DDI2: variants seen among roughly 807,000 people sequenced by gnomAD.
The protein encoded by DDI2 is DDI proteasomal shuttling factor 2.
A neutral mutation model predicts 48.1 loss-of-function variants in DDI2; 5 were observed. The ratio of observed to expected loss-of-function variants is 0.10; its 90% CI spans 0.05 to 0.22. DDI2 has a LOEUF of 0.22. Ranked by LOEUF, DDI2 falls within the 10% of genes least tolerant of loss-of-function variation. The pLI is 1.00. For missense variants in DDI2, 285 were observed against 506.2 expected, an observed-to-expected ratio of 0.56 and a Z score of 4.19; for synonymous variants, 205 against 183.6, an observed-to-expected ratio of 1.12 and a Z score of -0.94.
chr1:15,623,679 G>A (rs1639706751), intron 1 of DDI2, among the ~76,000 whole-genome samples: 1 of 151,862 alleles, frequency 6.6e-6, no homozygotes, highest in South Asian at 2.1e-4. Context: ...TTGGAATTAA[G>A]GCGTGAGCCA....
Position 15,638,440 on chromosome 1 carries a change from G to A in DDI2, c.760+6G>A, listed in dbSNP as rs756307327. ...GAAAGCCTTTGTTGACTCAGGTGAC[G>A]TCTCTGTCTTTTATTTCTTGGTCTC... On this transcript the variant is annotated splice_donor_region_variant and intron_variant, in intron 5 of 9. Coordinates refer to ENST00000480945, the MANE Select transcript of DDI2 (RefSeq NM_032341.5). 5 of 1,611,460 alleles carry A rather than the reference G, an allele frequency of 3.1e-6. No individual in the cohort carries two copies. The highest frequency in any genetic ancestry group is 3.4e-6 in the Non-Finnish European group (4 of 1,178,704).
chr1:15,655,657 G>A (rs1176966808), intron 8 of DDI2, among the ~76,000 whole-genome samples: 3 of 151,790 alleles, frequency 2.0e-5, no homozygotes, highest in Non-Finnish European at 4.4e-5. Context: ...GGAGGCTGAG[G>A]CAGGAGAATT....
intron 1 of DDI2, among the ~76,000 whole-genome samples, chr1:15,626,334 T>G (rs983826544): frequency 6.6e-6 from 1 of 152,172 alleles, no homozygotes; most frequent in East Asian, 1.9e-4. Flanking sequence ...TAAAGAGTAA[T>G]GTTTGATCAG....
intron 5 of DDI2, among the ~76,000 whole-genome samples, chr1:15,640,122 C>G (rs954086272): frequency 2.0e-5 from 3 of 152,016 alleles, no homozygotes; most frequent in Non-Finnish European, 4.4e-5. Context: ...TGGGTAGGGC[C>G]TTGTGCTGAG....
rs1254791607 is a variant in DDI2 at position 15,649,842 on chromosome 1, TA to T, written c.993+20del. 1 of 1,598,204 alleles carries T rather than the reference TA, an allele frequency of 6.3e-7. No individual in the cohort carries two copies. The highest frequency in any genetic ancestry group is 2.2e-5 in the East Asian group (1 of 44,538). ...GCACCAGGTAATTAAGAGCTTCACT[TA>T]TTTTTTTTGCATCTGCTTTTTGTAA... On this transcript the variant is annotated intron_variant, in intron 7 of 9. Coordinates refer to ENST00000480945, the MANE Select transcript of DDI2 (RefSeq NM_032341.5).
In DDI2 at chr1:15,660,671, A is replaced by C; in HGVS notation, c.*881A>C. 3.7e-6 allele frequency: 6 copies of C among 1,614,240 alleles called. No homozygotes were observed. The highest frequency in any genetic ancestry group is 5.1e-6 in the Non-Finnish European group (6 of 1,180,054). On this transcript the variant is annotated 3_prime_UTR_variant, in exon 10 of 10. Transcript: ENST00000480945. ...ACTTTGCTTAATTCAACAGGCAGGC[A>C]GAATGCCAATGTCAAGAACATTGGT... is the stretch of plus-strand genomic sequence containing the variant.
intron 1 of DDI2, among the ~76,000 whole-genome samples, chr1:15,620,168 A>G (rs912783432): frequency 6.6e-6 from 1 of 152,172 alleles, no homozygotes; most frequent in African/African-American, 2.4e-5. Flanking sequence ...CTTGGGCTCC[A>G]ACTGGTGTTA....
At chr1:15,620,427 TC>T (rs995194118) in intron 1 of DDI2, among the ~76,000 whole-genome samples, 4 of 151,764 alleles carry the variant, frequency 2.6e-5, no homozygotes, top group Admixed American at 6.6e-5. Context: ...TACTTGAGTG[TC>T]CCCCCCCATT....
intron 1 of DDI2, among the ~76,000 whole-genome samples, chr1:15,620,249 C>T (rs1209046534): frequency 1.3e-5 from 2 of 152,106 alleles, no homozygotes; most frequent in East Asian, 3.9e-4. Flanking sequence ...TGTAACCTGA[C>T]AACACAGTAT....
rs1320077648 is a variant in DDI2 at position 15,665,685 on chromosome 1, C to G, written c.*5895C>G. On this transcript the variant is annotated 3_prime_UTR_variant, in exon 10 of 10. Transcript: ENST00000480945. ...AGCAATTTTTATATCTACAGACGTA[C>G]TCTTCACTTATGGTGGCTTTTATCC... The G allele has an allele frequency of 6.6e-6, 1 of 152,158 alleles. No individual in the cohort carries two copies. Among genetic ancestry groups the G allele is most frequent in the Non-Finnish European group, 1.5e-5 (1 of 68,046 alleles). The allele number at this position is 152,158 out of a possible 1,614,324, so 9.4% of individuals were successfully genotyped here.
chr1:15,642,281 G>C (rs757683298), intron 5 of DDI2, among the ~76,000 whole-genome samples: 7 of 152,188 alleles, frequency 4.6e-5, no homozygotes, highest in Non-Finnish European at 8.8e-5. Flanking sequence ...AACCCGCCGT[G>C]TACATGTTTC....
In DDI2 at chr1:15,617,810, T is replaced by TA. The variant is rs750692388; in HGVS notation, c.138+3dup. On this transcript the variant is annotated splice_region_variant and intron_variant, in intron 1 of 9. Transcript: ENST00000480945. ...GGCATCCCCGCAGCCGAGAGCCAGGTACGCCGGGCAGCGAGCCGGGCCTGC... is the reference window on the plus strand; with the variant it reads ...GGCATCCCCGCAGCCGAGAGCCAGGTAACGCCGGGCAGCGAGCCGGGCCTGC... 3 of 1,593,506 alleles carry TA rather than the reference T, an allele frequency of 1.9e-6. No homozygotes were observed. Among genetic ancestry groups the TA allele is most frequent in the East Asian group, 2.3e-5 (1 of 44,418 alleles).
intron 4 of DDI2, among the ~76,000 whole-genome samples, chr1:15,635,175 G>A (rs1377575073): frequency 6.6e-6 from 1 of 151,358 alleles, no homozygotes; most frequent in African/African-American, 2.4e-5. Flanking sequence ...GCTGCAGTAA[G>A]CTATGATTGT....
chr1:15,656,367 G>A lies in DDI2; in HGVS notation c.1184-250G>A, dbSNP rs571713866. 1.6e-5 allele frequency: 22 copies of A among 1,350,106 alleles called. No individual in the cohort carries two copies. The African/African-American group carries it at 3.1e-4, about 19-fold the overall frequency. The allele number at this position is 1,350,106 out of a possible 1,614,324, so 83.6% of individuals were successfully genotyped here. On this transcript the variant is annotated intron_variant, in intron 8 of 9. Transcript: ENST00000480945. ...TTTGCCCGTGAATTCTCTATGTGTAGAAACAAAATTAATTTCTTTACAAGA... is the reference window on the plus strand; with the variant it reads ...TTTGCCCGTGAATTCTCTATGTGTAAAAACAAAATTAATTTCTTTACAAGA...
rs72647120 is a variant in DDI2 at position 15,630,274 on chromosome 1, G to T, written c.269-51G>T. 430,733 of 1,568,532 alleles carry T rather than the reference G, an allele frequency of 0.27. 62,172 individuals carry two copies. Among genetic ancestry groups the T allele is most frequent in the African/African-American group, 0.43 (31,762 of 73,888 alleles). On this transcript the variant is annotated intron_variant, in intron 2 of 9. Coordinates refer to ENST00000480945, the MANE Select transcript of DDI2 (RefSeq NM_032341.5). The stretch of plus-strand genomic sequence containing the variant: ...AAGTGTTCTGCTGTTTCCTTCAAGT[G>T]CTTGTTTTTGTAGAGTAATTTGAGT...
At chr1:15,653,609 A>G (rs987179760) in intron 8 of DDI2, among the ~76,000 whole-genome samples, 3 of 152,036 alleles carry the variant, frequency 2.0e-5, no homozygotes, top group Admixed American at 6.6e-5. Context: ...TGATCCTCCC[A>G]TCTCCCCTTC....
chr1:15,635,524 G>C (rs930358436), intron 4 of DDI2, among the ~76,000 whole-genome samples: 2 of 152,134 alleles, frequency 1.3e-5, no homozygotes, highest in African/African-American at 2.4e-5. Context: ...TCCTGCCTCA[G>C]CCTTCTGAGT....
chr1:15,663,963 A>G lies in DDI2; in HGVS notation c.*4173A>G, dbSNP rs1181852259. 1 of 152,170 alleles carries G rather than the reference A, an allele frequency of 6.6e-6. No homozygotes were observed. The highest frequency in any genetic ancestry group is 2.4e-5 in the African/African-American group (1 of 41,432). The allele number at this position is 152,170 out of a possible 1,614,324, so 9.4% of individuals were successfully genotyped here. A position where few individuals can be genotyped will look rare whatever the true frequency, so the allele number is the denominator to read the frequency against. On this transcript the variant is annotated 3_prime_UTR_variant, in exon 10 of 10. Transcript: ENST00000480945. ...ATTTCATTAGGATAGCTTTTTGTGT[A>G]TGTATATGTATATTTATTTTTAGGA...
intron 3 of DDI2, 30 bp from the exon 4 acceptor site, chr1:15,633,409 A>G (rs771993539): frequency 6.2e-7 from 1 of 1,607,450 alleles, no homozygotes; most frequent in Non-Finnish European, 8.5e-7. Context: ...ATATAGTGAT[A>G]TTTAAGATTT....
Sources: allele counts gnomAD v4.1 joint callset (sites outside exome capture counted in the v4.1 genomes callset), GRCh38; gene constraint gnomAD v4.1.1; transcripts MANE v1.5; gene names NCBI Gene and HGNC (gene_info 2026-07-23, HGNC 2026-07-21).